The following CALN1 variants were observed in gnomAD, a reference collection of about 807,000 sequenced individuals.
CALN1 encodes calneuron 1, also known as calcium-binding protein 8.
In CALN1, 17 loss-of-function variants were observed where a neutral mutation model predicts 30.6. That is an observed-to-expected ratio of 0.56 (90% CI 0.38 to 0.83). The LOEUF is 0.83. Among genes scored for constraint, CALN1 ranks in the 40% least tolerant of loss-of-function variants. The pLI, the probability that CALN1 is intolerant of heterozygous loss-of-function variation, is 0.00. For synonymous variants in CALN1, 156 were observed against 131.4 expected, an observed-to-expected ratio of 1.19 and a Z score of -1.28; for missense variants, 291 against 354.9, an observed-to-expected ratio of 0.82 and a Z score of 1.45.
intron 3 of CALN1, among the ~76,000 whole-genome samples, chr7:72,200,171 G>A (rs1791322732): frequency 6.6e-6 from 1 of 152,088 alleles, no homozygotes; most frequent in Non-Finnish European, 1.5e-5. Flanking sequence ...ATTGGGGGGA[G>A]TGGAGGGGAG....
chr7:72,335,217 G>A (rs1217482021), intron 2 of CALN1, among the ~76,000 whole-genome samples: 1 of 152,204 alleles, frequency 6.6e-6, no homozygotes, highest in African/African-American at 2.4e-5. Flanking sequence ...GAGCTGGAAT[G>A]GGGCTTCTAT....
At chr7:72,141,184 G>A (rs1325413940) in intron 3 of CALN1, among the ~76,000 whole-genome samples, 1 of 152,134 alleles carries the variant, frequency 6.6e-6, no homozygotes, top group Non-Finnish European at 1.5e-5. Context: ...TGTAATTCCA[G>A]AAATTTGGGA....
intron 4 of CALN1, among the ~76,000 whole-genome samples, chr7:72,087,226 G>T (rs1019262566): frequency 2.0e-5 from 3 of 152,244 alleles, no homozygotes; most frequent in East Asian, 1.9e-4. Flanking sequence ...TGAAAAATAA[G>T]AAGTACCTCT....
In CALN1 at chr7:71,787,793, G is replaced by A; in HGVS notation, c.768C>T (p.Leu256=). 6.2e-7 allele frequency: 1 copy of A among 1,614,028 alleles called. No homozygotes were observed. Among genetic ancestry groups the A allele is most frequent in the Non-Finnish European group, 8.5e-7 (1 of 1,180,020 alleles). ...GAGGCTGCTACTCCATGCCGCTCCG[G>A]AGTATCTGGTTGGCTGCAATCAGCA... ...SVMLIAANQI[L]RSGME The change falls in exon 7 of 7, where the codon CTC becomes CTT. Residue 256 remains leucine, a synonymous_variant. Coordinates refer to ENST00000395275, the MANE Select transcript of CALN1 (RefSeq NM_031468.4).
intron 5 of CALN1, among the ~76,000 whole-genome samples, chr7:71,960,162 TAAATAAATAAATAAATAAATA>T (rs1242397641): frequency 1.5e-5 from 2 of 129,612 alleles, no homozygotes; most frequent in African/African-American, 2.8e-5. Context: ...AATAAATAAA[TAAATAAATAAATAAATAAATA>T]AAATAAAATA....
At chr7:72,304,423 G>A (rs906554702) in intron 2 of CALN1, among the ~76,000 whole-genome samples, 4 of 152,098 alleles carry the variant, frequency 2.6e-5, no homozygotes, top group African/African-American at 9.7e-5. Context: ...AGGGGGGATT[G>A]CCTGAGCCCA....
chr7:72,363,729 T>TTC (rs1212817356), intron 2 of CALN1, among the ~76,000 whole-genome samples: 7 of 148,460 alleles, frequency 4.7e-5, no homozygotes, highest in Admixed American at 6.7e-5. Context: ...AAAAACTTTT[T>TTC]TTTTTTTTTT....
intron 5 of CALN1, among the ~76,000 whole-genome samples, chr7:71,860,130 G>A (rs1791186237): frequency 6.6e-6 from 1 of 152,046 alleles, no homozygotes; most frequent in Non-Finnish European, 1.5e-5. Flanking sequence ...ATTGTACCTA[G>A]GGTGGGTGCA....
At chr7:72,151,910 C>CTTT (rs369752622) in intron 3 of CALN1, among the ~76,000 whole-genome samples, 2 of 132,862 alleles carry the variant, frequency 1.5e-5, no homozygotes, top group Admixed American at 7.9e-5. Context: ...TTATTCTTTT[C>CTTT]TTTTTTTTTT....
At chr7:72,010,574 G>A (rs938229452) in intron 5 of CALN1, among the ~76,000 whole-genome samples, 7 of 152,162 alleles carry the variant, frequency 4.6e-5, no homozygotes, top group African/African-American at 1.4e-4. Flanking sequence ...CACTTTGGGA[G>A]GCCGAGGTGG....
At chr7:72,008,095 T>G (rs946002723) in intron 5 of CALN1, among the ~76,000 whole-genome samples, 1 of 152,212 alleles carries the variant, frequency 6.6e-6, no homozygotes, top group African/African-American at 2.4e-5. Context: ...AGTAGCTCTA[T>G]TTCTTATAAA....
chr7:72,402,584 T>C (rs987252084), intron 2 of CALN1, among the ~76,000 whole-genome samples: 2 of 151,950 alleles, frequency 1.3e-5, no homozygotes, highest in African/African-American at 4.8e-5. Flanking sequence ...ACACCCAGAG[T>C]TGAAATTCCT....
chr7:71,944,150 T>TAA (rs1188015632), intron 5 of CALN1, among the ~76,000 whole-genome samples: 1 of 152,090 alleles, frequency 6.6e-6, no homozygotes, highest in Non-Finnish European at 1.5e-5. Context: ...TTTGTAGTGT[T>TAA]AAACAATGCT....
chr7:72,224,932 C>T (rs541544700), intron 3 of CALN1, among the ~76,000 whole-genome samples: 1 of 151,370 alleles, frequency 6.6e-6, no homozygotes, highest in Non-Finnish European at 1.5e-5. Flanking sequence ...ACTAAATACA[C>T]ACACACAAAA....
intron 5 of CALN1, among the ~76,000 whole-genome samples, chr7:71,896,277 G>A (rs116744660): frequency 0.015 from 2,233 of 152,204 alleles, 49 homozygotes; most frequent in African/African-American, 0.049. Context: ...CTGACTATCT[G>A]TGACTACATA....
At chr7:71,907,172 A>G (rs1163721021) in intron 5 of CALN1, among the ~76,000 whole-genome samples, 1 of 152,100 alleles carries the variant, frequency 6.6e-6, no homozygotes, top group African/African-American at 2.4e-5. Flanking sequence ...CACTTCATAA[A>G]GTATGGTCCA....
rs1366725226 is a variant in CALN1 at position 72,229,719 on chromosome 7, G to A, written c.244+48967C>T. ...ACACCGCATGTTCTCACTCATAAGT[G>A]GAAGTTGAACAATGAGAACACATGG... On this transcript the variant is annotated intron_variant, in intron 3 of 6. Coordinates refer to ENST00000395275, the MANE Select transcript of CALN1 (RefSeq NM_031468.4). Among the ~76,000 whole-genome samples the A allele has an allele frequency of 2.6e-5, 4 of 151,962 alleles. 1 individual carries two copies. Among genetic ancestry groups the A allele is most frequent in the Non-Finnish European group, 4.4e-5 (3 of 67,968 alleles).
At chr7:72,335,281 A>AT (rs1156776277) in intron 2 of CALN1, among the ~76,000 whole-genome samples, 4 of 152,212 alleles carry the variant, frequency 2.6e-5, no homozygotes, top group Non-Finnish European at 5.9e-5. Flanking sequence ...ATGGCTTTAA[A>AT]TTCCTTTCCA....
Position 71,991,096 on chromosome 7 carries a change from G to A in CALN1, c.501+32561C>T, listed in dbSNP as rs75224920. On this transcript the variant is annotated intron_variant, in intron 5 of 6. Coordinates refer to ENST00000395275, the MANE Select transcript of CALN1 (RefSeq NM_031468.4). The stretch of plus-strand genomic sequence containing the variant: ...AGGAAGAGAACAGAAGTAAGAATTC[G>A]ATGTGTTGCACAGGAGAAAACCATA... 3.4e-4 allele frequency among the ~76,000 whole-genome samples: 51 copies of A among 152,174 alleles called. 1 individual carries two copies. The East Asian group carries it at 5.2e-3, about 16-fold the overall frequency.
Sources: allele counts gnomAD v4.1 joint callset (sites outside exome capture counted in the v4.1 genomes callset), GRCh38; gene constraint gnomAD v4.1.1; transcripts MANE v1.5; gene names NCBI Gene and HGNC (gene_info 2026-07-23, HGNC 2026-07-21).